MRO: variants seen among roughly 807,000 people sequenced by gnomAD.
MRO encodes the protein protein maestro.
In MRO, 28 loss-of-function variants were observed where a neutral mutation model predicts 31.0. That is an observed-to-expected ratio of 0.90 (90% CI 0.67 to 1.24). The LOEUF is 1.24. MRO is among the 50% of genes most tolerant of loss of function. The probability of loss-of-function intolerance (pLI) is 0.00; values close to 1 mark genes in which losing one functional copy is unlikely to be tolerated. For missense variants in MRO, 332 were observed against 289.2 expected, an observed-to-expected ratio of 1.15 and a Z score of -1.07; for synonymous variants, 108 against 108.4, an observed-to-expected ratio of 1.00 and a Z score of 0.02.
intron 2 of MRO, among the ~76,000 whole-genome samples, chr18:50,816,940 G>C (rs1161322557): frequency 1.3e-5 from 2 of 152,144 alleles, no homozygotes; most frequent in Non-Finnish European, 2.9e-5. Context: ...CTGCTACCCT[G>C]TTCTTTCTGC....
Position 50,797,643 on chromosome 18 carries a change from A to C in MRO, c.*1694T>G, listed in dbSNP as rs966511949. The C allele has an allele frequency of 6.6e-6, 1 of 152,206 alleles. No individual in the cohort carries two copies. The highest frequency in any genetic ancestry group is 1.5e-5 in the Non-Finnish European group (1 of 68,066). The allele number at this position is 152,206 out of a possible 1,614,324, so 9.4% of individuals were successfully genotyped here. ...ATCTCACCCTATCCCCACCTTTTTG[A>C]ATGCCAGCCACATGCAGCCATTTCT... On this transcript the variant is annotated 3_prime_UTR_variant, in exon 8 of 8. Coordinates refer to ENST00000398439, the MANE Select transcript of MRO (RefSeq NM_031939.6).
chr18:50,815,230 T>A (rs1022570093), intron 2 of MRO: 1 of 213,654 alleles, frequency 4.7e-6, no homozygotes, highest in Non-Finnish European at 1.0e-5. Context: ...CCTTTCTAAA[T>A]GAGATGGAGT....
At chr18:50,819,866 A>G (rs1238601327) in intron 1 of MRO, 31 bp downstream of exon 1, 4 of 1,547,344 alleles carry the variant, frequency 2.6e-6, no homozygotes, top group Non-Finnish European at 3.5e-6. Flanking sequence ...CGACAAGAAT[A>G]TTGTAGGGTG....
At chr18:50,805,008 T>A (rs1366009507) in intron 5 of MRO, 146 bp downstream of exon 5, 1 of 603,516 alleles carries the variant, frequency 1.7e-6, no homozygotes, top group Non-Finnish European at 2.9e-6. Flanking sequence ...GCCAGGATGG[T>A]CTCGATCTCC....
rs951160227 is a variant in MRO, at chr18:50,795,629, C to A, written c.*3708G>T. 1 of 152,354 alleles carries A rather than the reference C, an allele frequency of 6.6e-6. No individual in the cohort carries two copies. Among genetic ancestry groups the A allele is most frequent in the Non-Finnish European group, 1.5e-5 (1 of 68,180 alleles). 9.4% of individuals were successfully genotyped at this position (152,354 alleles called of 1,614,324 possible). A position where few individuals can be genotyped will look rare whatever the true frequency, so the allele number is the denominator to read the frequency against. ...TTTCTCTCCTCTCTCTCCACCACTT[C>A]CCTCTCCCCTTTAAGAAAGACCTAT... On this transcript the variant is annotated 3_prime_UTR_variant, in exon 8 of 8. Transcript: ENST00000398439.
chr18:50,824,705 C>T (rs1318334487), upstream of MRO, among the ~76,000 whole-genome samples: 7 of 149,246 alleles, frequency 4.7e-5, no homozygotes, highest in Non-Finnish European at 7.4e-5. Flanking sequence ...CCGCCCACCT[C>T]GGCCTCCCAA....
rs1912775542 is a variant in MRO, at chr18:50,796,189, G to A, written c.*3148C>T. 1 of 152,180 alleles carries A rather than the reference G, an allele frequency of 6.6e-6. No homozygotes were observed. 9.4% of individuals were successfully genotyped at this position (152,180 alleles called of 1,614,324 possible). On this transcript the variant is annotated 3_prime_UTR_variant, in exon 8 of 8. Transcript: ENST00000398439. ...AAACTTGAAATGCACAAGCATAAAAGTAACCTGTACATTGGTTATAAGGAA... is the reference window on the plus strand; with the variant it reads ...AAACTTGAAATGCACAAGCATAAAAATAACCTGTACATTGGTTATAAGGAA...
chr18:50,801,566 T>C, intron 5 of MRO, 62 bp from the exon 6 acceptor site: 1 of 1,475,334 alleles, frequency 6.8e-7, no homozygotes, highest in African/African-American at 1.4e-5. Flanking sequence ...CAACTGCATC[T>C]GAACACATCA....
chr18:50,815,558 G>A lies in MRO; in HGVS notation c.-5+4023C>T. 9.9e-6 allele frequency: 3 copies of A among 302,900 alleles called. No individual in the cohort carries two copies. The Admixed American group carries it at 1.1e-4, about 11-fold the overall frequency. 18.8% of individuals were successfully genotyped at this position (302,900 alleles called of 1,614,324 possible). On this transcript the variant is annotated intron_variant, in intron 2 of 7. Transcript: ENST00000398439. ...TGGTGGATGATATGATGGTTACATT[G>A]AAATTTTGGTGGTGGTAACTATGGT...
chr18:50,806,406 G>A (rs748773701), intron 4 of MRO, among the ~76,000 whole-genome samples: 1 of 152,188 alleles, frequency 6.6e-6, no homozygotes, highest in Non-Finnish European at 1.5e-5. Flanking sequence ...ACTGAATTCT[G>A]CCAACAACGA....
intron 5 of MRO, 82 bp downstream of exon 5, chr18:50,805,072 T>C: frequency 8.2e-7 from 1 of 1,218,020 alleles, no homozygotes; most frequent in Non-Finnish European, 1.2e-6. Flanking sequence ...ATTACAGGCA[T>C]GAGCCACCGC....
chr18:50,798,134 A>G lies in MRO; in HGVS notation c.*1203T>C, dbSNP rs1013834072. On this transcript the variant is annotated 3_prime_UTR_variant, in exon 8 of 8. Transcript: ENST00000398439. ...ATTCAGGGGTGGTACCAGAGTTTCT[A>G]TAGAAGCTTGGGATGCAATCTGGTT... 1.2e-4 allele frequency: 18 copies of G among 152,170 alleles called. No individual in the cohort carries two copies. The highest frequency in any genetic ancestry group is 4.3e-4 in the African/African-American group (18 of 41,444). 9.4% of individuals were successfully genotyped at this position (152,170 alleles called of 1,614,324 possible). A position where few individuals can be genotyped will look rare whatever the true frequency, so the allele number is the denominator to read the frequency against.
intron 7 of MRO, 54 bp from the exon 8 acceptor site, chr18:50,799,444 G>A: frequency 6.7e-7 from 1 of 1,488,656 alleles, no homozygotes; most frequent in South Asian, 1.1e-5. Context: ...AAACTTCCTT[G>A]ACAATGTAAC....
At chr18:50,818,726 G>A (rs1915132261) in intron 2 of MRO, among the ~76,000 whole-genome samples, 1 of 152,158 alleles carries the variant, frequency 6.6e-6, no homozygotes, top group African/African-American at 2.4e-5. Context: ...CTGTTAGATT[G>A]CTTAAAAATC....
intron 6 of MRO, among the ~76,000 whole-genome samples, chr18:50,801,098 C>G (rs969486777): frequency 6.6e-6 from 1 of 152,110 alleles, no homozygotes; most frequent in African/African-American, 2.4e-5. Flanking sequence ...TGCCCTCAAC[C>G]CCATTACCCT....
chr18:50,799,615 A>C (rs776330705), intron 7 of MRO, among the ~76,000 whole-genome samples: 3 of 152,162 alleles, frequency 2.0e-5, no homozygotes, highest in Non-Finnish European at 4.4e-5. Flanking sequence ...TTACAATCAA[A>C]ACACAGTTGG....
chr18:50,812,502 T>C (rs1035293286), intron 2 of MRO, among the ~76,000 whole-genome samples: 1 of 152,172 alleles, frequency 6.6e-6, no homozygotes, highest in African/African-American at 2.4e-5. Flanking sequence ...TGCAGAAAAG[T>C]TTTTATTTTT....
At chr18:50,800,390 A>G (rs1913180808) in intron 6 of MRO, among the ~76,000 whole-genome samples, 1 of 152,202 alleles carries the variant, frequency 6.6e-6, no homozygotes, top group African/African-American at 2.4e-5. Flanking sequence ...TTATTATCCC[A>G]TCAAAAGTAG....
chr18:50,823,304 A>G (rs543742414), upstream of MRO, among the ~76,000 whole-genome samples: 1 of 152,264 alleles, frequency 6.6e-6, no homozygotes, highest in Admixed American at 6.5e-5. Context: ...TTTGGCTGCT[A>G]ATCTTTGAAT....
Sources: gnomAD v4.1 joint callset for allele counts (sites outside exome capture counted in the v4.1 genomes callset) on GRCh38, gnomAD v4.1.1 for gene constraint, MANE v1.5 for transcripts, NCBI Gene and HGNC (gene_info 2026-07-23, HGNC 2026-07-21) for gene names.